The following PFKL variants were observed in gnomAD, a reference collection of about 807,000 sequenced individuals.
PFKL encodes ATP-dependent 6-phosphofructokinase, liver type.
PFKL carries 74 observed loss-of-function variants against 92.1 expected under a neutral mutation model. The ratio of observed to expected loss-of-function variants is 0.80; its 90% CI spans 0.67 to 0.97. The LOEUF is 0.97. PFKL is among the 50% of genes least tolerant of loss of function. The pLI, the probability that PFKL is intolerant of heterozygous loss-of-function variation, is 0.00. For missense variants in PFKL, 1,028 were observed against 1,116.6 expected (o/e 0.92, Z 1.13); for synonymous variants, 494 against 456.4 (o/e 1.08, Z -1.05).
chr21:44,306,547 C>T, intron 1 of PFKL, 134 bp from the exon 2 acceptor site: 3 of 726,740 alleles, frequency 4.1e-6, no homozygotes, highest in Non-Finnish European at 7.1e-6. Context: ...TGACCAGGGC[C>T]TTCCCCCACC....
At chr21:44,315,980 C>T (rs2047193050) in intron 7 of PFKL, 1 of 513,276 alleles carries the variant, frequency 1.9e-6, no homozygotes, top group South Asian at 2.1e-5. Context: ...CCCGAGGGCC[C>T]CCTTCCTCCC....
At chr21:44,316,113 G>C in intron 7 of PFKL, 131 bp from the exon 8 acceptor site, 1 of 781,502 alleles carries the variant, frequency 1.3e-6, no homozygotes, top group Non-Finnish European at 2.2e-6. Flanking sequence ...TCCTCCTGCT[G>C]GGTGGGGATT....
chr21:44,323,661 GACAGGTCAGC>G, intron 15 of PFKL, 95 bp from the exon 16 acceptor site: 2 of 1,262,834 alleles, frequency 1.6e-6, no homozygotes, highest in South Asian at 2.8e-5. Context: ...CGGGGCACAT[GACAGGTCAGC>G]AGGGAGCAGG....
intron 10 of PFKL, 76 bp downstream of exon 10, chr21:44,318,671 T>G (rs1444501614): frequency 1.6e-6 from 2 of 1,281,268 alleles, no homozygotes; most frequent in Admixed American, 2.9e-5. Flanking sequence ...CACTGCTCTC[T>G]GGGGGCCCCA....
intron 1 of PFKL, chr21:44,305,922 G>A (rs1035630314): frequency 2.2e-6 from 3 of 1,362,502 alleles, no homozygotes; most frequent in African/African-American, 1.5e-5. Flanking sequence ...CCAGCATCAT[G>A]TCCAGGCTGG....
In PFKL at chr21:44,316,184, G is replaced by T. The variant is rs570617618; in HGVS notation, c.748-60G>T. On this transcript the variant is annotated intron_variant, in intron 7 of 21. Transcript: ENST00000349048. ...CAGGGAGGGCTCCTGGCACCCGGGG[G>T]CTGTGTCCGGGGCAGGTTTCCCTGC... The T allele has an allele frequency of 8.9e-4, 1,344 of 1,516,834 alleles. 3 individuals are homozygous for T. Among genetic ancestry groups the T allele is most frequent in the Non-Finnish European group, 1.1e-3 (1,230 of 1,093,344 alleles). 94.0% of individuals were successfully genotyped at this position (1,516,834 alleles called of 1,614,324 possible). A position where few individuals can be genotyped will look rare whatever the true frequency, so the allele number is the denominator to read the frequency against.
Position 44,326,885 on chromosome 21 carries a change from C to T in PFKL, c.*23C>T. The T allele has an allele frequency of 1.9e-6, 3 of 1,585,282 alleles. No homozygotes were observed. The highest frequency in any genetic ancestry group is 2.6e-6 in the Non-Finnish European group (3 of 1,163,988). ...TGAGGCCAGCCATGCCCACGCCCCTCCCCAGCCCCCACCCATGCCAGCGCA... is the reference window on the plus strand; with the variant it reads ...TGAGGCCAGCCATGCCCACGCCCCTTCCCAGCCCCCACCCATGCCAGCGCA... On this transcript the variant is annotated 3_prime_UTR_variant, in exon 22 of 22. Transcript: ENST00000349048.
At chr21:44,301,992 CG>C (rs1275617215) in intron 1 of PFKL, among the ~76,000 whole-genome samples, 1 of 152,188 alleles carries the variant, frequency 6.6e-6, no homozygotes, top group African/African-American at 2.4e-5. Context: ...GGGTGACAGG[CG>C]GTTCTGGATG....
Position 44,312,234 on chromosome 21 carries a change from A to T in PFKL, c.367A>T (p.Thr123Ser), listed in dbSNP as rs930410431. ...CGTCATCGGCGGGGATGGCAGCCTC[A>T]CAGGTGCCAACATCTTCCGCAGCGA... The part of the protein sequence containing the change: ...LCVIGGDGSL[T>S]GANIFRSEWG... Residue 123 changes from threonine to serine, a missense_variant, in exon 4 of 22, where the codon ACA becomes TCA. By Grantham distance (58) the Thr-to-Ser change is moderately conservative. Transcript: ENST00000349048. 4 of 1,599,214 alleles carry T rather than the reference A, an allele frequency of 2.5e-6. No individual in the cohort carries two copies. The highest frequency in any genetic ancestry group is 1.7e-5 in the Admixed American group (1 of 58,580).
intron 15 of PFKL, 69 bp from the exon 16 acceptor site, chr21:44,323,697 G>A: frequency 1.7e-5 from 26 of 1,519,784 alleles, no homozygotes; most frequent in Non-Finnish European, 2.2e-5. Flanking sequence ...GCGGCCGCCG[G>A]CAGAGCCTGT....
intron 14 of PFKL, among the ~76,000 whole-genome samples, chr21:44,322,435 G>A (rs1193489162): frequency 6.6e-6 from 1 of 152,212 alleles, no homozygotes; most frequent in Non-Finnish European, 1.5e-5. Context: ...TGGGCTCTCC[G>A]TGGCAAGGAA....
intron 12 of PFKL, chr21:44,320,599 C>T (rs996429381): frequency 1.3e-5 from 2 of 155,820 alleles, no homozygotes; most frequent in African/African-American, 2.4e-5. Flanking sequence ...GGTGGTGGCA[C>T]ATGCCTGTAA....
chr21:44,314,233 A>T (rs2047136465), intron 7 of PFKL: 1 of 571,674 alleles, frequency 1.7e-6, no homozygotes, highest in African/African-American at 1.9e-5. Context: ...AGTGGGCAGG[A>T]GGCGGAGAGG....
chr21:44,323,941 C>T lies in PFKL; in HGVS notation c.1650+23C>T, dbSNP rs1167764871. ...GAGGTACGGGGCTCCTGGACACCGG[C>T]CTGCCATGCCCAGGCCCTTGTGGGG... On this transcript the variant is annotated intron_variant, in intron 16 of 21. Coordinates refer to ENST00000349048, the MANE Select transcript of PFKL (RefSeq NM_002626.6). 4 of 1,612,388 alleles carry T rather than the reference C, an allele frequency of 2.5e-6. No homozygotes were observed. The East Asian group carries it at 6.7e-5, about 27-fold the overall frequency.
At position 44,306,697 on chromosome 21, in the gene PFKL, C is replaced by G; in HGVS notation, c.102C>G (p.Val34=). ...CCTCCACAGGCATGAACGCTGCTGTCCGGGCTGTGACGCGCATGGGCATTT... is the reference window on the plus strand; with the variant it reads ...CCTCCACAGGCATGAACGCTGCTGTGCGGGCTGTGACGCGCATGGGCATTT... ...GGDAQGMNAA[V]RAVTRMGIYV... Residue 34 remains valine (V), a synonymous_variant, in exon 2 of 22, where the codon GTC becomes GTG. Coordinates refer to ENST00000349048, the MANE Select transcript of PFKL (RefSeq NM_002626.6). 1.9e-6 allele frequency: 3 copies of G among 1,613,804 alleles called. No homozygotes were observed. The highest frequency in any genetic ancestry group is 2.5e-6 in the Non-Finnish European group (3 of 1,179,906).
intron 11 of PFKL, 172 bp downstream of exon 11, chr21:44,319,587 TGTG>T (rs2047307135): frequency 3.2e-6 from 2 of 632,464 alleles, no homozygotes; most frequent in Admixed American, 2.5e-5. Flanking sequence ...GGCTGGGAGG[TGTG>T]GTACCACAGG....
chr21:44,303,985 T>C (rs533666249), intron 1 of PFKL, among the ~76,000 whole-genome samples: 1 of 150,478 alleles, frequency 6.6e-6, no homozygotes, highest in East Asian at 2.0e-4. Flanking sequence ...CAGCTTCCAA[T>C]GAGGTTAACA....
At chr21:44,301,625 C>T (rs529768779) in intron 1 of PFKL, among the ~76,000 whole-genome samples, 67 of 152,198 alleles carry the variant, frequency 4.4e-4, no homozygotes, top group Admixed American at 3.5e-3. Flanking sequence ...AGGGTGAACT[C>T]GGGAAGCTCC....
At position 44,313,618 on chromosome 21, in the gene PFKL, C is replaced by T. The variant is rs1353303958; in HGVS notation, c.594-20C>T. On this transcript the variant is annotated intron_variant, in intron 5 of 21. Coordinates refer to ENST00000349048, the MANE Select transcript of PFKL (RefSeq NM_002626.6). ...GCCGTGTGGCTGGCACTGATGCATC[C>T]TCCTGTTCCATCTCCACAGCCACCA... 10 of 1,608,730 alleles carry T rather than the reference C, an allele frequency of 6.2e-6. No individual in the cohort carries two copies. The highest frequency in any genetic ancestry group is 1.7e-5 in the Admixed American group (1 of 59,532).
Sources: allele counts gnomAD v4.1 joint callset (sites outside exome capture counted in the v4.1 genomes callset), GRCh38; gene constraint gnomAD v4.1.1; transcripts MANE v1.5; gene names NCBI Gene and HGNC (gene_info 2026-07-23, HGNC 2026-07-21).